DLG2: variants seen among roughly 807,000 people sequenced by gnomAD.
The protein encoded by DLG2 is disks large homolog 2.
DLG2 carries 45 observed loss-of-function variants against 132.5 expected under a neutral mutation model. That is an observed-to-expected ratio of 0.34 (90% confidence interval 0.27 to 0.44). The LOEUF is 0.44. Among genes scored for constraint, DLG2 ranks in the 20% least tolerant of loss-of-function variants. The pLI, the probability that DLG2 is intolerant of heterozygous loss-of-function variation, is 1.00. For missense variants in DLG2, 1,045 were observed against 1,196.9 expected (o/e 0.87, Z 1.87); for synonymous variants, 424 against 419.6 (o/e 1.01, Z -0.13).
intron 3 of DLG2, among the ~76,000 whole-genome samples, chr11:85,358,092 C>CA (rs969573376): frequency 4.0e-5 from 6 of 149,556 alleles, no homozygotes; most frequent in East Asian, 3.9e-4. Flanking sequence ...GCCTGAAAAA[C>CA]AAAAAAAAGA....
intron 3 of DLG2, among the ~76,000 whole-genome samples, chr11:85,393,510 C>T (rs978750618): frequency 6.6e-6 from 1 of 151,980 alleles, no homozygotes; most frequent in Non-Finnish European, 1.5e-5. Context: ...AAAAAGACAC[C>T]TGCACACACA....
intron 19 of DLG2, among the ~76,000 whole-genome samples, chr11:83,587,664 C>T (rs375351104): frequency 2.0e-5 from 3 of 152,170 alleles, no homozygotes; most frequent in Non-Finnish European, 4.4e-5. Context: ...GGAACAGCTC[C>T]GGTCTACAGC....
intron 14 of DLG2, among the ~76,000 whole-genome samples, chr11:83,957,467 C>T (rs1376045665): frequency 6.6e-6 from 1 of 152,090 alleles, no homozygotes; most frequent in Non-Finnish European, 1.5e-5. Flanking sequence ...TCTTCTCTTC[C>T]ATTGCTACCC....
At chr11:83,490,483 A>C (rs530253116) in intron 21 of DLG2, among the ~76,000 whole-genome samples, 2 of 152,012 alleles carry the variant, frequency 1.3e-5, no homozygotes, top group Non-Finnish European at 2.9e-5. Flanking sequence ...AATCATCACT[A>C]TAATAGTCAA....
chr11:84,367,771 C>T (rs2098690145), intron 7 of DLG2, among the ~76,000 whole-genome samples: 2 of 152,056 alleles, frequency 1.3e-5, no homozygotes, highest in South Asian at 2.1e-4. Context: ...GATGCAGCCA[C>T]CTGATGTTGG....
At chr11:84,254,699 T>C (rs1316073514) in intron 7 of DLG2, among the ~76,000 whole-genome samples, 1 of 152,170 alleles carries the variant, frequency 6.6e-6, no homozygotes, top group Non-Finnish European at 1.5e-5. Context: ...ATTAATAATT[T>C]CATAACTCTA....
At chr11:84,860,110 C>G (rs915443572) in intron 6 of DLG2, among the ~76,000 whole-genome samples, 1 of 152,116 alleles carries the variant, frequency 6.6e-6, no homozygotes, top group African/African-American at 2.4e-5. Context: ...AACCAGAAAT[C>G]AACAAACATT....
At chr11:83,838,660 T>G (rs2056837648) in intron 16 of DLG2, among the ~76,000 whole-genome samples, 2 of 152,186 alleles carry the variant, frequency 1.3e-5, no homozygotes, top group South Asian at 4.1e-4. Context: ...AAGTCTGGCA[T>G]TCCATCAACA....
Position 83,831,194 on chromosome 11 carries a change from A to G in DLG2, c.1722+2420T>C, listed in dbSNP as rs578052093. 3.3e-5 allele frequency among the ~76,000 whole-genome samples: 5 copies of G among 152,374 alleles called. No homozygotes were observed. The East Asian group carries it at 7.7e-4, about 23-fold the overall frequency. Reference sequence around the variant, plus strand: ...TACCACCTAGTACAGAAAGACAGACATGTAAACGTATATGCACAATAAGGT... The same window carrying G: ...TACCACCTAGTACAGAAAGACAGACGTGTAAACGTATATGCACAATAAGGT... On this transcript the variant is annotated intron_variant, in intron 17 of 27. Coordinates refer to ENST00000376104, the MANE Select transcript of DLG2 (RefSeq NM_001142699.3).
chr11:85,147,905 C>T (rs1040392980), intron 5 of DLG2, among the ~76,000 whole-genome samples: 3 of 151,816 alleles, frequency 2.0e-5, no homozygotes, highest in Admixed American at 6.6e-5. Context: ...CCTCCCCTTG[C>T]CCCCCACCCC....
At chr11:83,799,315 T>C (rs912696615) in intron 17 of DLG2, among the ~76,000 whole-genome samples, 4 of 152,336 alleles carry the variant, frequency 2.6e-5, no homozygotes, top group African/African-American at 9.6e-5. Flanking sequence ...GGAAGGGTTT[T>C]ACAGAAGCAT....
At chr11:83,674,911 T>C (rs1410932168) in intron 18 of DLG2, among the ~76,000 whole-genome samples, 1 of 152,216 alleles carries the variant, frequency 6.6e-6, no homozygotes, top group Non-Finnish European at 1.5e-5. Flanking sequence ...ACCCACCAGG[T>C]AGGTGGATTG....
intron 6 of DLG2, among the ~76,000 whole-genome samples, chr11:84,976,006 G>C: frequency 6.6e-6 from 1 of 152,028 alleles, no homozygotes; most frequent in Non-Finnish European, 1.5e-5. Context: ...TATTCTTCAA[G>C]AGTCAGCTCA....
chr11:83,902,495 C>T (rs1008257466), intron 15 of DLG2, among the ~76,000 whole-genome samples: 2 of 152,180 alleles, frequency 1.3e-5, no homozygotes, highest in Admixed American at 6.5e-5. Flanking sequence ...GAAACAATTA[C>T]TCTTCAATCT....
intron 3 of DLG2, among the ~76,000 whole-genome samples, chr11:85,422,845 T>C (rs1236162498): frequency 6.6e-6 from 1 of 152,192 alleles, no homozygotes; most frequent in African/African-American, 2.4e-5. Context: ...CCTTCACTTC[T>C]TGTATCTTTT....
chr11:85,167,196 C>T (rs1472236656), intron 4 of DLG2, among the ~76,000 whole-genome samples: 11 of 152,130 alleles, frequency 7.2e-5, no homozygotes, highest in Non-Finnish European at 1.2e-4. Context: ...AGCACTGCCC[C>T]TTCCCATCCT....
chr11:85,504,187 C>A (rs1229806943), intron 3 of DLG2, among the ~76,000 whole-genome samples: 2 of 152,206 alleles, frequency 1.3e-5, no homozygotes, highest in African/African-American at 4.8e-5. Flanking sequence ...ATGGTAGTTT[C>A]TTTTGCTGTG....
At chr11:84,807,116 G>T (rs894514603) in intron 6 of DLG2, among the ~76,000 whole-genome samples, 21 of 152,026 alleles carry the variant, frequency 1.4e-4, no homozygotes, top group African/African-American at 4.8e-4. Flanking sequence ...AAAAAGCAGA[G>T]AAATAAAAAA....
chr11:84,934,718 T>C (rs1459577347), intron 6 of DLG2, among the ~76,000 whole-genome samples: 2 of 151,822 alleles, frequency 1.3e-5, no homozygotes, highest in East Asian at 3.9e-4. Flanking sequence ...AGAAATTGAA[T>C]CCCTTTTAGT....
Sources: allele counts gnomAD v4.1 joint callset (sites outside exome capture counted in the v4.1 genomes callset), GRCh38; gene constraint gnomAD v4.1.1; transcripts MANE v1.5; gene names NCBI Gene and HGNC (gene_info 2026-07-23, HGNC 2026-07-21).